Variants in BACH2 observed in about 807,000 individuals in gnomAD.
BACH2 encodes transcription regulator protein BACH2.
A neutral mutation model predicts 61.8 loss-of-function variants in BACH2; 5 were observed. The observed-to-expected ratio is 0.08, with a 90% CI of 0.04 to 0.17. BACH2 has a LOEUF of 0.17. Ranked by LOEUF, BACH2 falls within the 10% of genes least tolerant of loss-of-function variation. BACH2 has a pLI of 1.00. For missense variants in BACH2, 824 were observed against 1,091.1 expected (o/e 0.76, Z 3.45); for synonymous variants, 446 against 440.1 (o/e 1.01, Z -0.17).
At chr6:90,116,959 T>C in intron 4 of BACH2, 1 of 383,662 alleles carries the variant, frequency 2.6e-6, no homozygotes, top group Non-Finnish European at 5.0e-6. Context: ...CTTCCCTCTG[T>C]GAAAATGATA....
At chr6:90,227,894 A>G (rs1005818491) in intron 3 of BACH2, among the ~76,000 whole-genome samples, 3 of 151,988 alleles carry the variant, frequency 2.0e-5, no homozygotes, top group Non-Finnish European at 2.9e-5. Flanking sequence ...TTCCTCATTA[A>G]CTGCTACACC....
chr6:89,955,272 C>T (rs1774363120), intron 6 of BACH2, among the ~76,000 whole-genome samples: 3 of 152,094 alleles, frequency 2.0e-5, no homozygotes, highest in African/African-American at 7.2e-5. Context: ...GGACTCAGGC[C>T]TGTGCTCAAG....
rs780242149 is a variant in BACH2 at position 89,932,496 on chromosome 6, G to T, written c.2438C>A (p.Pro813His). The stretch of plus-strand genomic sequence containing the variant: ...GTCCACGGTCACTGTTTGGCTCCTG[G>T]GTTCAAGAGGAGGTCCTCTCTCTGA... ...TFSERGPPLE[P>H]RSQTVTVDFC... is the part of the protein sequence containing the mutation. The change falls in exon 9 of 9, where the codon CCC (proline) becomes CAC (histidine). Residue 813 changes from proline (P) to histidine (H), a missense_variant. By Grantham distance (77) the Pro-to-His change is moderately conservative (BLOSUM62 -2). This residue lies in a region of BACH2 where 135 missense variants were observed against 142.7 expected (regional missense o/e 0.95). Transcript: ENST00000257749. 1 of 1,613,922 alleles carries T rather than the reference G, an allele frequency of 6.2e-7. No individual in the cohort carries two copies. The highest frequency in any genetic ancestry group is 8.5e-7 in the Non-Finnish European group (1 of 1,180,014).
At chr6:89,933,032 T>G in intron 8 of BACH2, 142 bp from the exon 9 acceptor site, 3 of 930,766 alleles carry the variant, frequency 3.2e-6, no homozygotes, top group South Asian at 4.5e-5. Flanking sequence ...TCTAGAAACT[T>G]AAAGATACAT....
At chr6:90,005,476 CT>C (rs1303629872) in intron 6 of BACH2, among the ~76,000 whole-genome samples, 1 of 152,186 alleles carries the variant, frequency 6.6e-6, no homozygotes, top group African/African-American at 2.4e-5. Context: ...AAGCTACTTT[CT>C]AAGGTAGTAT....
At chr6:90,030,491 A>C (rs1250264703) in intron 5 of BACH2, among the ~76,000 whole-genome samples, 6 of 152,206 alleles carry the variant, frequency 3.9e-5, no homozygotes. Context: ...AGAAGAATCA[A>C]ATAGACGCAA....
intron 5 of BACH2, among the ~76,000 whole-genome samples, chr6:90,035,262 T>C (rs563585767): frequency 1.6e-4 from 24 of 152,174 alleles, no homozygotes; most frequent in African/African-American, 5.8e-4. Context: ...GAAAATACAC[T>C]CAGCTGCTAG....
chr6:89,946,733 T>C (rs111512946), intron 7 of BACH2, among the ~76,000 whole-genome samples: 58 of 152,050 alleles, frequency 3.8e-4, no homozygotes, highest in African/African-American at 1.0e-3. Context: ...CCCAAACCCA[T>C]AGAGAGGTGA....
chr6:90,070,588 G>A (rs375775514), intron 5 of BACH2, among the ~76,000 whole-genome samples: 17 of 152,200 alleles, frequency 1.1e-4, no homozygotes, highest in African/African-American at 3.4e-4. Context: ...TATCTGGTTC[G>A]TGCTCCCACA....
intron 4 of BACH2, among the ~76,000 whole-genome samples, chr6:90,143,022 T>C (rs1170789762): frequency 2.6e-5 from 4 of 152,202 alleles, no homozygotes; most frequent in African/African-American, 7.2e-5. Flanking sequence ...AGTTAAAATG[T>C]AGATGTGTTT....
rs576221313 is a variant in BACH2, at chr6:90,199,809, T to C, written c.-162+6760A>G. Among the ~76,000 whole-genome samples, 9 of 152,280 alleles carry C rather than the reference T, an allele frequency of 5.9e-5. No homozygotes were observed. The South Asian group carries it at 1.9e-3, about 32-fold the overall frequency. The stretch of plus-strand genomic sequence containing the variant: ...AAGTTTTTTGAAGAGCTAAGGGAAA[T>C]TATTCCTTAAAAATGTAGAAAGTGA... On this transcript the variant is annotated intron_variant, in intron 4 of 8. Coordinates refer to ENST00000257749, the MANE Select transcript of BACH2 (RefSeq NM_021813.4).
At chr6:90,284,007 A>AAAAT (rs546804893) in intron 1 of BACH2, among the ~76,000 whole-genome samples, 4,941 of 151,458 alleles carry the variant, frequency 0.033, 80 homozygotes, top group East Asian at 0.054. Flanking sequence ...ACTCCATCTC[A>AAAAT]AAATAAATAA....
chr6:90,038,104 G>C (rs1257807573), intron 5 of BACH2, among the ~76,000 whole-genome samples: 1 of 152,164 alleles, frequency 6.6e-6, no homozygotes, highest in Admixed American at 6.5e-5. Flanking sequence ...CCAGTTTGTG[G>C]TACTTTGTTA....
chr6:90,025,034 G>A (rs1167584873), intron 5 of BACH2, among the ~76,000 whole-genome samples: 5 of 152,106 alleles, frequency 3.3e-5, no homozygotes, highest in Non-Finnish European at 5.9e-5. Context: ...CCCGTTTAGC[G>A]GGCCAGAGAG....
intron 3 of BACH2, among the ~76,000 whole-genome samples, chr6:90,236,416 G>A (rs975604824): frequency 6.6e-6 from 1 of 152,214 alleles, no homozygotes; most frequent in Non-Finnish European, 1.5e-5. Context: ...CACTTGGGAA[G>A]CGAACAGTTT....
chr6:90,084,735 C>T (rs1214194463), intron 5 of BACH2, among the ~76,000 whole-genome samples: 2 of 152,042 alleles, frequency 1.3e-5, no homozygotes, highest in African/African-American at 2.4e-5. Context: ...TACCTCTTTT[C>T]AGTTACACCT....
chr6:89,932,384 G>A lies in BACH2; in HGVS notation c.*24C>T, dbSNP rs746009967. 2.3e-5 allele frequency: 36 copies of A among 1,599,088 alleles called. No homozygotes were observed. Among genetic ancestry groups the A allele is most frequent in the Non-Finnish European group, 2.7e-5 (32 of 1,168,680 alleles). The stretch of plus-strand genomic sequence containing the variant: ...GAACGCCTGGATGGGAGAGGTGTGC[G>A]GACTGGGAGGCAGAGCCGAGTCACT... On this transcript the variant is annotated 3_prime_UTR_variant, in exon 9 of 9. Coordinates refer to ENST00000257749, the MANE Select transcript of BACH2 (RefSeq NM_021813.4).
At chr6:90,167,836 C>A (rs1767681753) in intron 4 of BACH2, among the ~76,000 whole-genome samples, 1 of 152,214 alleles carries the variant, frequency 6.6e-6, no homozygotes, top group African/African-American at 2.4e-5. Context: ...CAATGTTTCA[C>A]TTCTTTTTGC....
At chr6:90,291,780 A>G (rs935360235) in intron 1 of BACH2, among the ~76,000 whole-genome samples, 2 of 152,196 alleles carry the variant, frequency 1.3e-5, no homozygotes, top group African/African-American at 4.8e-5. Flanking sequence ...TTAACAATAC[A>G]GAAGCGATTT....
Sources: allele counts gnomAD v4.1 joint callset (sites outside exome capture counted in the v4.1 genomes callset), GRCh38; gene constraint gnomAD v4.1.1; regional missense constraint gnomAD v4.1.1; transcripts MANE v1.5; gene names NCBI Gene and HGNC (gene_info 2026-07-23, HGNC 2026-07-21).